FNDC3B: variants seen among roughly 807,000 people sequenced by gnomAD.
FNDC3B encodes fibronectin type III domain-containing protein 3B.
FNDC3B carries 12 observed loss-of-function variants against 151.5 expected under a neutral mutation model. The ratio of observed to expected loss-of-function variants is 0.08; its 90% CI spans 0.05 to 0.13. The LOEUF (loss-of-function observed/expected upper bound fraction) is 0.13. Among genes scored for constraint, FNDC3B ranks in the 10% least tolerant of loss-of-function variants. The probability of loss-of-function intolerance (pLI) is 1.00; values close to 1 mark genes in which losing one functional copy is unlikely to be tolerated. For synonymous variants in FNDC3B, 528 were observed against 549.0 expected, an observed-to-expected ratio of 0.96 and a Z score of 0.54; for missense variants, 1,214 against 1,505.3, an observed-to-expected ratio of 0.81 and a Z score of 3.20.
Position 172,347,266 on chromosome 3 carries a change from G to A in FNDC3B, c.2419G>A (p.Asp807Asn). The A allele has an allele frequency of 6.2e-7, 1 of 1,614,058 alleles. No homozygotes were observed. The highest frequency in any genetic ancestry group is 8.5e-7 in the Non-Finnish European group (1 of 1,179,978). Reference sequence around the variant, plus strand: ...AGAGTACAGGTTGGAATGGGGAGAAGATGAAGAATCCTTAGAACTCATTTA... The same window carrying A: ...AGAGTACAGGTTGGAATGGGGAGAAAATGAAGAATCCTTAGAACTCATTTA... ...ISEYRLEWGE[D>N]EESLELIYHG... is the part of the protein sequence containing the mutation. Residue 807 changes from aspartate (D) to asparagine (N), a missense_variant, in exon 21 of 26, where the codon GAT becomes AAT. By Grantham distance (23) the Asp-to-Asn change is conservative. Around this residue, in one of 7 missense-constraint regions of FNDC3B, gnomAD observed 380 missense variants for 420.9 expected, o/e 0.90. Coordinates refer to ENST00000415807, the MANE Select transcript of FNDC3B (RefSeq NM_022763.4).
At chr3:172,198,361 T>C (rs1019337647) in intron 3 of FNDC3B, among the ~76,000 whole-genome samples, 14 of 152,232 alleles carry the variant, frequency 9.2e-5, no homozygotes, top group African/African-American at 3.1e-4. Context: ...TATGTATGAA[T>C]ATACTTGGAC....
intron 3 of FNDC3B, among the ~76,000 whole-genome samples, chr3:172,149,913 G>C (rs1354991154): frequency 7.4e-6 from 1 of 135,838 alleles, no homozygotes; most frequent in Non-Finnish European, 1.5e-5. Context: ...CCGCTTCCCA[G>C]GTTCAAGCGA....
At chr3:172,199,407 C>T (rs1725021533) in intron 3 of FNDC3B, among the ~76,000 whole-genome samples, 1 of 149,694 alleles carries the variant, frequency 6.7e-6, no homozygotes, top group Non-Finnish European at 1.5e-5. Context: ...TCTCGATCTC[C>T]TGACCTCGTG....
chr3:172,284,091 A>C (rs1729882883), intron 6 of FNDC3B, among the ~76,000 whole-genome samples: 1 of 152,208 alleles, frequency 6.6e-6, no homozygotes, highest in African/African-American at 2.4e-5. Context: ...TTTTTAATAT[A>C]GACTTTGTTC....
chr3:172,070,475 A>G (rs553751766), intron 1 of FNDC3B, among the ~76,000 whole-genome samples: 5 of 152,314 alleles, frequency 3.3e-5, no homozygotes, highest in East Asian at 1.9e-4. Flanking sequence ...GAAAGGATCA[A>G]CACTCCCCTG....
At chr3:172,350,472 A>G (rs1373206523) in intron 21 of FNDC3B, among the ~76,000 whole-genome samples, 1 of 152,212 alleles carries the variant, frequency 6.6e-6, no homozygotes, top group Non-Finnish European at 1.5e-5. Context: ...CATTTATATC[A>G]GTACCAAAAT....
intron 1 of FNDC3B, among the ~76,000 whole-genome samples, chr3:172,102,637 G>A (rs1348144216): frequency 6.6e-6 from 1 of 152,202 alleles, no homozygotes; most frequent in African/African-American, 2.4e-5. Context: ...GTCCTGAAAA[G>A]CAGTGGGACC....
chr3:172,352,276 G>A lies in FNDC3B; in HGVS notation c.2515-527G>A, dbSNP rs1027061433. Among the ~76,000 whole-genome samples the A allele has an allele frequency of 2.0e-5, 3 of 152,170 alleles. No homozygotes were observed. The highest frequency in any genetic ancestry group is 4.4e-5 in the Non-Finnish European group (3 of 68,036). On this transcript the variant is annotated intron_variant, in intron 21 of 25. Coordinates refer to ENST00000415807, the MANE Select transcript of FNDC3B (RefSeq NM_022763.4). This position sits in a 1 kb window ranked among gnomAD's most constrained non-coding sequence, Gnocchi z 4.2. Reference sequence around the variant, plus strand: ...TTCTCTTGGGTAAAATCAGATAAGCGCTGACGATTGACTTCAGGGATGAGT... The same window carrying A: ...TTCTCTTGGGTAAAATCAGATAAGCACTGACGATTGACTTCAGGGATGAGT...
In FNDC3B at chr3:172,335,202, T is replaced by C; in HGVS notation, c.1780+120T>C. 3 of 1,032,266 alleles carry C rather than the reference T, an allele frequency of 2.9e-6. No individual in the cohort carries two copies. The South Asian group carries it at 5.6e-5, about 19-fold the overall frequency. 63.9% of individuals were successfully genotyped at this position (1,032,266 alleles called of 1,614,324 possible). On this transcript the variant is annotated intron_variant, in intron 15 of 25. Coordinates refer to ENST00000415807, the MANE Select transcript of FNDC3B (RefSeq NM_022763.4). Reference sequence around the variant, plus strand: ...ATTGTGGATGGTATTTGCAGAAGTTTTCTGCATTCGGAATATATGTGTGAG... The same window carrying C: ...ATTGTGGATGGTATTTGCAGAAGTTCTCTGCATTCGGAATATATGTGTGAG...
In FNDC3B at chr3:172,341,199, G is replaced by T; in HGVS notation, c.1939G>T (p.Ala647Ser). 6.2e-7 allele frequency: 1 copy of T among 1,614,164 alleles called. No individual in the cohort carries two copies. The highest frequency in any genetic ancestry group is 8.5e-7 in the Non-Finnish European group (1 of 1,180,008). Reference protein sequence around the residue: ...LKPGTLYKLRACCISTGGHSQ... With the variant: ...LKPGTLYKLRSCCISTGGHSQ... ...ACCAGGCACTTTGTACAAACTCCGA[G>T]CATGCTGCATCAGTACCGGCGGACA... The change falls in exon 17 of 26, where the codon GCA (alanine) becomes TCA (serine). Residue 647 changes from alanine (A) to serine (S), a missense_variant. By Grantham distance (99) the Ala-to-Ser change is moderately conservative. Transcript: ENST00000415807.
chr3:172,253,970 G>A (rs545443688), intron 6 of FNDC3B, among the ~76,000 whole-genome samples: 113 of 152,190 alleles, frequency 7.4e-4, no homozygotes, highest in Non-Finnish European at 1.3e-3. Context: ...GGTAGAGATG[G>A]GGTTTTGCCA....
At chr3:172,387,180 C>A (rs538433397) in intron 25 of FNDC3B, among the ~76,000 whole-genome samples, 1 of 152,258 alleles carries the variant, frequency 6.6e-6, no homozygotes, top group South Asian at 2.1e-4. Context: ...TGGTCTTGAA[C>A]TGCTGACCTC....
intron 1 of FNDC3B, among the ~76,000 whole-genome samples, chr3:172,083,520 T>C (rs769804499): frequency 6.6e-6 from 1 of 152,198 alleles, no homozygotes; most frequent in Non-Finnish European, 1.5e-5. Context: ...TGATACAAAA[T>C]GGCAGGATAT....
chr3:172,321,140 G>A lies in FNDC3B; in HGVS notation c.1255-7812G>A, dbSNP rs1317368244. 2.6e-5 allele frequency among the ~76,000 whole-genome samples: 4 copies of A among 152,188 alleles called. 1 individual carries two copies. The highest frequency in any genetic ancestry group is 9.7e-5 in the African/African-American group (4 of 41,444). The stretch of plus-strand genomic sequence containing the variant: ...ACCCAGAGAGAGAGGTGGAAAGCTG[G>A]TTACATGAGGAAGTCCTTTGAAATG... On this transcript the variant is annotated intron_variant, in intron 11 of 25. Transcript: ENST00000415807.
intron 9 of FNDC3B, among the ~76,000 whole-genome samples, chr3:172,305,074 A>C (rs1259681461): frequency 6.6e-6 from 1 of 152,216 alleles, no homozygotes; most frequent in Non-Finnish European, 1.5e-5. Flanking sequence ...AGATAGTAGT[A>C]GTTTAATGAA....
intron 3 of FNDC3B, among the ~76,000 whole-genome samples, chr3:172,172,622 TCCAA>T (rs1723340895): frequency 6.6e-6 from 1 of 152,218 alleles, no homozygotes; most frequent in Non-Finnish European, 1.5e-5. Context: ...AATACTGGGT[TCCAA>T]GAACTTGCTT....
chr3:172,190,970 C>T (rs1724482028), intron 3 of FNDC3B, among the ~76,000 whole-genome samples: 1 of 152,132 alleles, frequency 6.6e-6, no homozygotes, highest in Non-Finnish European at 1.5e-5. Context: ...TGCCCAGCCC[C>T]ATTGTGTCTT....
At position 172,301,009 on chromosome 3, in the gene FNDC3B, G is replaced by C. The variant is rs542001992; in HGVS notation, c.1061+2222G>C. Reference sequence around the variant, plus strand: ...TGCCTTGAATTGCTTCGGTGAAGCAGCATGATGCATAGTGGACATGGCTTG... The same window carrying C: ...TGCCTTGAATTGCTTCGGTGAAGCACCATGATGCATAGTGGACATGGCTTG... On this transcript the variant is annotated intron_variant, in intron 9 of 25. Transcript: ENST00000415807. Among the ~76,000 whole-genome samples, 3 of 152,306 alleles carry C rather than the reference G, an allele frequency of 2.0e-5. No homozygotes were observed. The East Asian group carries it at 5.8e-4, about 29-fold the overall frequency.
At chr3:172,198,624 A>G (rs1724973780) in intron 3 of FNDC3B, among the ~76,000 whole-genome samples, 1 of 152,152 alleles carries the variant, frequency 6.6e-6, no homozygotes, top group Non-Finnish European at 1.5e-5. Context: ...TCAGACTGCC[A>G]TCGTAGGTGA....
Sources: allele counts gnomAD v4.1 joint callset (sites outside exome capture counted in the v4.1 genomes callset), GRCh38; gene constraint gnomAD v4.1.1; regional missense constraint gnomAD v4.1.1; non-coding constraint Gnocchi (gnomAD v3.1); transcripts MANE v1.5; gene names NCBI Gene and HGNC (gene_info 2026-07-23, HGNC 2026-07-21).